SIX4: variants seen among roughly 807,000 people sequenced by gnomAD.
SIX4 encodes the protein homeobox protein SIX4.
SIX4 carries 23 observed loss-of-function variants against 51.5 expected under a neutral mutation model. That is an observed-to-expected ratio of 0.45 (90% CI 0.32 to 0.63). SIX4 has a LOEUF of 0.63. SIX4 is among the 30% of genes least tolerant of loss of function. The pLI is 0.04. For synonymous variants in SIX4, 413 were observed against 417.3 expected (o/e 0.99, Z 0.13); for missense variants, 867 against 984.0 (o/e 0.88, Z 1.59).
rs1392378259 is a variant in SIX4 at position 60,720,242 on chromosome 14, G to C, written c.1067C>G (p.Pro356Arg). ...SGVLLNGSLV[P>R]ASTSPVFLNG... ...AAGGAAGACAGGTGAAGTACTTGCA[G>C]GTACCAAGCTTCCATTCAACAGAAC... The change falls in exon 2 of 3, where the codon CCT becomes CGT. Residue 356 changes from proline (P) to arginine (R), a missense_variant. By Grantham distance (103) the Pro-to-Arg change is moderately radical (BLOSUM62 -2). Coordinates refer to ENST00000216513, the MANE Select transcript of SIX4 (RefSeq NM_017420.5). This position sits in a 1 kb window ranked among gnomAD's most constrained non-coding sequence, Gnocchi z 5.5. The C allele has an allele frequency of 3.7e-6, 6 of 1,614,078 alleles. No homozygotes were observed. Among genetic ancestry groups the C allele is most frequent in the Non-Finnish European group, 5.1e-6 (6 of 1,180,038 alleles).
rs1895973573 is a variant in SIX4, at chr14:60,719,189, G to T, written c.1549+571C>A. Among the ~76,000 whole-genome samples the T allele has an allele frequency of 6.6e-6, 1 of 152,118 alleles. No homozygotes were observed. Among genetic ancestry groups the T allele is most frequent in the Admixed American group, 6.5e-5 (1 of 15,270 alleles). On this transcript the variant is annotated intron_variant, in intron 2 of 2. Transcript: ENST00000216513. This position sits in a 1 kb window ranked among gnomAD's most constrained non-coding sequence, Gnocchi z 4.9. The stretch of plus-strand genomic sequence containing the variant: ...CACAAATAAACCCACACATTTAGGG[G>T]GTTAGTATATATGCTGAGCGATAGA...
chr14:60,715,415 A>G (rs573803396), intron 2 of SIX4, among the ~76,000 whole-genome samples: 88 of 152,370 alleles, frequency 5.8e-4, no homozygotes, highest in Middle Eastern at 3.4e-3. Context: ...CAAACTAGCC[A>G]TAAAGTAATA....
In SIX4 at chr14:60,723,629, A is replaced by T; in HGVS notation, c.446T>A (p.Leu149Gln). The change falls in exon 1 of 3, where the codon CTG (leucine) becomes CAG (glutamine). Residue 149 changes from leucine to glutamine, a missense_variant. Physicochemically the swap from Leu to Gln is moderately radical, Grantham distance 113 (BLOSUM62 -2). Transcript: ENST00000216513. Reference sequence around the variant, plus strand: ...GAAGGCCACGAGCGCCCGCGCCTTCAGCAGGCTCTCGTTGCCACGTAGCAG... The same window carrying T: ...GAAGGCCACGAGCGCCCGCGCCTTCTGCAGGCTCTCGTTGCCACGTAGCAG... ...SDLLRGNESL[L>Q]KARALVAFHQ... 1 of 1,606,034 alleles carries T rather than the reference A, an allele frequency of 6.2e-7. No homozygotes were observed. The highest frequency in any genetic ancestry group is 8.5e-7 in the Non-Finnish European group (1 of 1,176,874).
intron 2 of SIX4, 59 bp from the exon 3 acceptor site, chr14:60,714,262 TACAC>T: frequency 2.1e-6 from 3 of 1,432,888 alleles, no homozygotes; most frequent in Non-Finnish European, 2.8e-6. Context: ...GAAAAAAAGT[TACAC>T]ACACGTTTTT....
In SIX4 at chr14:60,713,881, G is replaced by A. The variant is rs1184829730; in HGVS notation, c.1872C>T (p.Pro624=). 6 of 1,614,040 alleles carry A rather than the reference G, an allele frequency of 3.7e-6. No individual in the cohort carries two copies. Among genetic ancestry groups the A allele is most frequent in the Non-Finnish European group, 5.1e-6 (6 of 1,180,016 alleles). ...VSPTHNFSLS[P]STLLNPTELN... is the part of the protein sequence containing the mutation. Reference sequence around the variant, plus strand: ...GCTCAGTGGGATTTAGTAGTGTAGAGGGACTGAGAGAAAAATTGTGAGTTG... The same window carrying A: ...GCTCAGTGGGATTTAGTAGTGTAGAAGGACTGAGAGAAAAATTGTGAGTTG... The change falls in exon 3 of 3, where the codon CCC becomes CCT. Residue 624 remains proline (P), a synonymous_variant. Coordinates refer to ENST00000216513, the MANE Select transcript of SIX4 (RefSeq NM_017420.5).
rs1566741218 is a variant in SIX4, at chr14:60,723,844, G to GTCC, written c.230_231insGGA (p.Ala77_Gly78insAsp). ...GTTGTACCTGATCCGCCGCCGCTCCGGCCGCCGCCGCCGCCACTGCCCCTT... is the reference window on the plus strand; with the variant it reads ...GTTGTACCTGATCCGCCGCCGCTCCGTCCGCCGCCGCCGCCGCCACTGCCCCTT... On this transcript the variant is annotated inframe_insertion, in exon 1 of 3. Coordinates refer to ENST00000216513, the MANE Select transcript of SIX4 (RefSeq NM_017420.5). The GTCC allele has an allele frequency of 4.6e-6, 7 of 1,523,384 alleles. No individual in the cohort carries two copies. Among genetic ancestry groups the GTCC allele is most frequent in the Non-Finnish European group, 6.1e-6 (7 of 1,147,056 alleles). 94.4% of individuals were successfully genotyped at this position (1,523,384 alleles called of 1,614,324 possible). A position where few individuals can be genotyped will look rare whatever the true frequency, so the allele number is the denominator to read the frequency against.
chr14:60,724,077 TTTG>T lies in SIX4; in HGVS notation c.-6_-4del. On this transcript the variant is annotated 5_prime_UTR_variant, in exon 1 of 3. Transcript: ENST00000216513. ...CCGGTGGGGGAGGAAGAGGACATTT[TTTG>T]TTGTTTATTTTCCTCCCTCCCTCAC... is the stretch of plus-strand genomic sequence containing the variant. 1 of 1,553,706 alleles carries T rather than the reference TTTG, an allele frequency of 6.4e-7. No individual in the cohort carries two copies.
Position 60,713,719 on chromosome 14 carries a change from G to T in SIX4, c.2034C>A (p.Val678=). ...CCCCAAGGGCAGCCTGAGTCATAGGGACTGACAATAGGTCTTGACCAGTAA... is the reference window on the plus strand; with the variant it reads ...CCCCAAGGGCAGCCTGAGTCATAGGTACTGACAATAGGTCTTGACCAGTAA... ...SLITGQDLLS[V]PMTQAALGEI... is the part of the protein sequence containing the mutation. Residue 678 remains valine, a synonymous_variant, in exon 3 of 3, where the codon GTC becomes GTA. Coordinates refer to ENST00000216513, the MANE Select transcript of SIX4 (RefSeq NM_017420.5). 1 of 1,614,222 alleles carries T rather than the reference G, an allele frequency of 6.2e-7. No individual in the cohort carries two copies.
Position 60,723,322 on chromosome 14 carries a change from G to A in SIX4, c.753C>T (p.Ala251=), listed in dbSNP as rs1367881867. 3 of 1,612,950 alleles carry A rather than the reference G, an allele frequency of 1.9e-6. No homozygotes were observed. Among genetic ancestry groups the A allele is most frequent in the East Asian group, 2.2e-5 (1 of 44,762 alleles). ...TGATCTTGGCCAGGTGCCGCTTCTC[G>A]GCGGGCGAAGGGTAGCGATTCTGCT... ...LYKQNRYPSP[A]EKRHLAKITG... Residue 251 remains alanine, a synonymous_variant, in exon 1 of 3, where the codon GCC becomes GCT. Coordinates refer to ENST00000216513, the MANE Select transcript of SIX4 (RefSeq NM_017420.5).
chr14:60,713,715 T>C lies in SIX4; in HGVS notation c.2038A>G (p.Met680Val), dbSNP rs763418113. The part of the protein sequence containing the change: ...ITGQDLLSVP[M>V]TQAALGEIVP... The stretch of plus-strand genomic sequence containing the variant: ...ATTTCCCCAAGGGCAGCCTGAGTCA[T>C]AGGGACTGACAATAGGTCTTGACCA... The change falls in exon 3 of 3, where the codon ATG becomes GTG. Residue 680 changes from methionine to valine, a missense_variant. Coordinates refer to ENST00000216513, the MANE Select transcript of SIX4 (RefSeq NM_017420.5). 8 of 1,614,114 alleles carry C rather than the reference T, an allele frequency of 5.0e-6. No individual in the cohort carries two copies. In the Admixed American group the frequency reaches 1.0e-4, roughly 20 times the overall value.
chr14:60,723,676 C>T lies in SIX4; in HGVS notation c.399G>A (p.Leu133=). The change falls in exon 1 of 3, where the codon CTG becomes CTA. Residue 133 remains leucine, a synonymous_variant. Coordinates refer to ENST00000216513, the MANE Select transcript of SIX4 (RefSeq NM_017420.5). ...GCAGGTCGCTCTGGGGCAGGGACCA[C>T]AGGAACCGGGCCAGGCGGTCCAGGT... ...GGNLDRLARF[L]WSLPQSDLLR... The T allele has an allele frequency of 6.3e-7, 1 of 1,578,958 alleles. No homozygotes were observed. The highest frequency in any genetic ancestry group is 1.3e-5 in the African/African-American group (1 of 74,254).
intron 2 of SIX4, among the ~76,000 whole-genome samples, chr14:60,714,661 CTTA>C (rs1332274846): frequency 6.6e-6 from 1 of 150,912 alleles, no homozygotes; most frequent in Non-Finnish European, 1.5e-5. Context: ...GGTTCTGTTG[CTTA>C]TTATTTCTTT....
chr14:60,724,012 C>T lies in SIX4; in HGVS notation c.63G>A (p.Gly21=), dbSNP rs915296638. The T allele has an allele frequency of 2.0e-6, 3 of 1,522,816 alleles. No homozygotes were observed. The highest frequency in any genetic ancestry group is 1.4e-5 in the African/African-American group (1 of 71,620). 94.3% of individuals were successfully genotyped at this position (1,522,816 alleles called of 1,614,324 possible). A position where few individuals can be genotyped will look rare whatever the true frequency, so the allele number is the denominator to read the frequency against. Residue 21 remains glycine, a synonymous_variant, in exon 1 of 3, where the codon GGG becomes GGA. Transcript: ENST00000216513. ...ASAADIKQEN[G]MESASEGQEA... The stretch of plus-strand genomic sequence containing the variant: ...CCTGCCCTTCCGAGGCGCTTTCCAT[C>T]CCATTCTCTTGCTTGATGTCCGCCG...
In SIX4 at chr14:60,719,641, C is replaced by T. The variant is rs1355577288; in HGVS notation, c.1549+119G>A. 7 of 985,228 alleles carry T rather than the reference C, an allele frequency of 7.1e-6. No homozygotes were observed. Among genetic ancestry groups the T allele is most frequent in the East Asian group, 2.6e-5 (1 of 39,138 alleles). The allele number at this position is 985,228 out of a possible 1,614,324, so 61.0% of individuals were successfully genotyped here. The stretch of plus-strand genomic sequence containing the variant: ...TCACATCAAGGCTACTCTACAGCTT[C>T]GGCAGCTAATAAGGTACCTGAACAG... On this transcript the variant is annotated intron_variant, in intron 2 of 2. Transcript: ENST00000216513. This position sits in a 1 kb window ranked among gnomAD's most constrained non-coding sequence, Gnocchi z 4.9.
In SIX4 at chr14:60,720,488, A is replaced by T; in HGVS notation, c.864-43T>A. The T allele has an allele frequency of 6.4e-7, 1 of 1,557,904 alleles. No homozygotes were observed. Among genetic ancestry groups the T allele is most frequent in the Non-Finnish European group, 8.7e-7 (1 of 1,145,480 alleles). ...TCAAAATGTTCAGAAGGTCAGGGGGATGACATTCTACACAGTGCCACTTGT... is the reference window on the plus strand; with the variant it reads ...TCAAAATGTTCAGAAGGTCAGGGGGTTGACATTCTACACAGTGCCACTTGT... On this transcript the variant is annotated intron_variant, in intron 1 of 2. Transcript: ENST00000216513. This position sits in a 1 kb window ranked among gnomAD's most constrained non-coding sequence, Gnocchi z 5.5.
At position 60,723,968 on chromosome 14, in the gene SIX4, G is replaced by T; in HGVS notation, c.107C>A (p.Ala36Glu). 1 of 1,509,670 alleles carries T rather than the reference G, an allele frequency of 6.6e-7. No individual in the cohort carries two copies. The highest frequency in any genetic ancestry group is 8.8e-7 in the Non-Finnish European group (1 of 1,134,248). The allele number at this position is 1,509,670 out of a possible 1,614,324, so 93.5% of individuals were successfully genotyped here. A position where few individuals can be genotyped will look rare whatever the true frequency, so the allele number is the denominator to read the frequency against. The change falls in exon 1 of 3, where the codon GCG becomes GAG. Residue 36 changes from alanine to glutamate, a missense_variant. Coordinates refer to ENST00000216513, the MANE Select transcript of SIX4 (RefSeq NM_017420.5). ...SEGQEAHREV[A>E]GGAAVGLSPP... ...GCTCAGCCCTACCGCCGCGCCCCCC[G>T]CCACTTCTCGGTGCGCCTCCTGCCC...
chr14:60,716,687 C>T (rs552791158), intron 2 of SIX4, among the ~76,000 whole-genome samples: 1 of 152,246 alleles, frequency 6.6e-6, no homozygotes, highest in East Asian at 1.9e-4. Context: ...CATCTGGCCT[C>T]AGTAAACTAC....
chr14:60,721,240 C>T (rs1896013239), intron 1 of SIX4: 1 of 704,294 alleles, frequency 1.4e-6, no homozygotes, highest in Non-Finnish European at 1.7e-6. Flanking sequence ...AGGCAGGACC[C>T]TGTTCCTCAG....
intron 2 of SIX4, among the ~76,000 whole-genome samples, chr14:60,715,061 T>C (rs955248457): frequency 2.0e-5 from 3 of 151,992 alleles, no homozygotes; most frequent in Non-Finnish European, 4.4e-5. Context: ...GGACTGGGCT[T>C]CTAGAGTACC....
Sources: allele counts gnomAD v4.1 joint callset (sites outside exome capture counted in the v4.1 genomes callset), GRCh38; gene constraint gnomAD v4.1.1; non-coding constraint Gnocchi (gnomAD v3.1); transcripts MANE v1.5; gene names NCBI Gene and HGNC (gene_info 2026-07-23, HGNC 2026-07-21).